The following ARB2A variants were observed in gnomAD, a reference collection of about 807,000 sequenced individuals.
ARB2A encodes the protein ARB2 cotranscriptional regulator A.
chr5:93,938,701 T>C, the ARB2A span, among the ~76,000 whole-genome samples: 1 of 152,180 alleles, frequency 6.6e-6, no homozygotes, highest in Non-Finnish European at 1.5e-5. Context: ...AAATGCATCC[T>C]GGAGAGAGAG....
the ARB2A span, among the ~76,000 whole-genome samples, chr5:93,654,013 A>G: frequency 2.0e-5 from 3 of 152,246 alleles, no homozygotes; most frequent in African/African-American, 4.8e-5. Flanking sequence ...GTTCCGTTCA[A>G]TAAACATTTA....
At chr5:94,041,935 C>CAA in the ARB2A span, among the ~76,000 whole-genome samples, 15 of 146,820 alleles carry the variant, frequency 1.0e-4, no homozygotes, top group South Asian at 4.3e-4. Flanking sequence ...AGATTTTTCA[C>CAA]AAAAAAAAAA....
the ARB2A span, among the ~76,000 whole-genome samples, chr5:94,004,879 T>A: frequency 6.6e-6 from 1 of 150,838 alleles, no homozygotes; most frequent in African/African-American, 2.4e-5. Flanking sequence ...AAAACAAAGC[T>A]TATCTAATAA....
At chr5:94,106,888 A>C in the ARB2A span, among the ~76,000 whole-genome samples, 8 of 151,096 alleles carry the variant, frequency 5.3e-5, no homozygotes, top group African/African-American at 1.7e-4. Context: ...AAAAAAAAAA[A>C]AAAACAAATA....
At chr5:93,982,740 G>A in the ARB2A span, among the ~76,000 whole-genome samples, 1 of 152,102 alleles carries the variant, frequency 6.6e-6, no homozygotes, top group Non-Finnish European at 1.5e-5. Context: ...GTGACATAAG[G>A]GTGTATTTCT....
the ARB2A span, among the ~76,000 whole-genome samples, chr5:93,754,354 T>C: frequency 6.6e-6 from 1 of 152,206 alleles, no homozygotes; most frequent in African/African-American, 2.4e-5. Context: ...CCTTCATCTA[T>C]TGCAGTTCAC....
the ARB2A span, among the ~76,000 whole-genome samples, chr5:93,840,064 A>G: frequency 1.3e-5 from 2 of 151,914 alleles, no homozygotes; most frequent in East Asian, 3.9e-4. Flanking sequence ...TTTGAGGTAG[A>G]TTTGCTCCTG....
At chr5:93,886,975 TTCAAATAGC>T in the ARB2A span, among the ~76,000 whole-genome samples, 3 of 151,788 alleles carry the variant, frequency 2.0e-5, no homozygotes, top group Non-Finnish European at 4.4e-5. Context: ...AGTTTCCAAC[TTCAAATAGC>T]TCATCAAGTT....
At chr5:94,105,429 G>A in the ARB2A span, among the ~76,000 whole-genome samples, 1 of 152,052 alleles carries the variant, frequency 6.6e-6, no homozygotes, top group South Asian at 2.1e-4. Context: ...CAGCTCAACA[G>A]GGAGGTGAAA....
At chr5:93,824,830 T>C in the ARB2A span, among the ~76,000 whole-genome samples, 4 of 152,248 alleles carry the variant, frequency 2.6e-5, no homozygotes, top group African/African-American at 9.6e-5. Context: ...GGCATTTTTC[T>C]GCTAAAGCTT....
At chr5:94,039,979 C>A in the ARB2A span, among the ~76,000 whole-genome samples, 1 of 152,092 alleles carries the variant, frequency 6.6e-6, no homozygotes, top group Admixed American at 6.6e-5. Context: ...GGGTTAGAGG[C>A]CCAACTTAGG....
At chr5:93,978,521 C>T in the ARB2A span, among the ~76,000 whole-genome samples, 5 of 151,998 alleles carry the variant, frequency 3.3e-5, no homozygotes, top group African/African-American at 1.2e-4. Context: ...AGAAACAAAA[C>T]CAAATACTAC....
the ARB2A span, among the ~76,000 whole-genome samples, chr5:93,681,259 C>T: frequency 2.6e-5 from 4 of 152,098 alleles, no homozygotes; most frequent in African/African-American, 4.8e-5. Flanking sequence ...TGAAACAACG[C>T]GTCCTACACA....
the ARB2A span, among the ~76,000 whole-genome samples, chr5:93,664,524 G>C: frequency 2.0e-5 from 3 of 151,556 alleles, no homozygotes; most frequent in Admixed American, 2.0e-4. Flanking sequence ...CCAGGTACTC[G>C]GGAAGCTGAG....
the ARB2A span, among the ~76,000 whole-genome samples, chr5:93,629,263 C>G: frequency 2.0e-5 from 3 of 152,110 alleles, no homozygotes; most frequent in African/African-American, 7.2e-5. Flanking sequence ...GGGCATGATT[C>G]TTAGTGCCCC....
the ARB2A span, among the ~76,000 whole-genome samples, chr5:93,685,280 A>G: frequency 6.6e-6 from 1 of 152,346 alleles, no homozygotes; most frequent in South Asian, 2.1e-4. Context: ...TTAAATTTAT[A>G]AAATCAATGT....
chr5:93,775,088 T>C, the ARB2A span, among the ~76,000 whole-genome samples: 1 of 152,208 alleles, frequency 6.6e-6, no homozygotes, highest in Non-Finnish European at 1.5e-5. Context: ...ATACATCTTC[T>C]AGTGGTTCTG....
chr5:94,070,294 T>C, the ARB2A span, among the ~76,000 whole-genome samples: 1 of 151,922 alleles, frequency 6.6e-6, no homozygotes, highest in Non-Finnish European at 1.5e-5. Context: ...CTCATGGAAG[T>C]AGGGAGTAGA....
At chr5:93,956,148 T>C in the ARB2A span, among the ~76,000 whole-genome samples, 1 of 152,214 alleles carries the variant, frequency 6.6e-6, no homozygotes, top group African/African-American at 2.4e-5. Context: ...TCCTCCAACA[T>C]GAACTCTTAA....
Sources: allele counts gnomAD v4.1 joint callset (sites outside exome capture counted in the v4.1 genomes callset), GRCh38; gene constraint gnomAD v4.1.1; transcripts MANE v1.5; gene names NCBI Gene and HGNC (gene_info 2026-07-23, HGNC 2026-07-21).